FAM120A: variants seen among roughly 807,000 people sequenced by gnomAD.
FAM120A encodes the protein constitutive coactivator of PPAR-gamma-like protein 1.
A neutral mutation model predicts 109.7 loss-of-function variants in FAM120A; 15 were observed. The ratio of observed to expected loss-of-function variants is 0.14; its 90% confidence interval spans 0.09 to 0.21. FAM120A has a LOEUF of 0.21. FAM120A is among the 10% of genes least tolerant of loss of function. The probability of loss-of-function intolerance (pLI) is 1.00; values close to 1 mark genes in which losing one functional copy is unlikely to be tolerated. For synonymous variants in FAM120A, 493 were observed against 572.8 expected, an observed-to-expected ratio of 0.86 and a Z score of 1.99; for missense variants, 899 against 1,439.3, an observed-to-expected ratio of 0.62 and a Z score of 6.07.
intron 7 of FAM120A, among the ~76,000 whole-genome samples, chr9:93,521,223 A>G (rs928511007): frequency 3.3e-5 from 5 of 152,198 alleles, no homozygotes; most frequent in Non-Finnish European, 5.9e-5. Context: ...CAGAGACACA[A>G]CACTCTCTTT....
In FAM120A at chr9:93,532,543, A is replaced by C. The variant is rs370706193; in HGVS notation, c.1909+214A>C. Reference sequence around the variant, plus strand: ...CTTCCTCAGTAACATTCCAATAATGATGTTTATTCAGTAAAATAATAAAAC... The same window carrying C: ...CTTCCTCAGTAACATTCCAATAATGCTGTTTATTCAGTAAAATAATAAAAC... On this transcript the variant is annotated intron_variant, in intron 10 of 17. Coordinates refer to ENST00000277165, the MANE Select transcript of FAM120A (RefSeq NM_014612.5). The surrounding 1 kb of genome is among the most constrained non-coding windows in gnomAD (Gnocchi z 4.3). 1.8e-6 allele frequency: 1 copy of C among 564,252 alleles called. No homozygotes were observed. The highest frequency in any genetic ancestry group is 3.2e-6 in the Non-Finnish European group (1 of 315,974). 35.0% of individuals were successfully genotyped at this position (564,252 alleles called of 1,614,324 possible).
At chr9:93,488,421 G>A (rs1056065766) in intron 3 of FAM120A, among the ~76,000 whole-genome samples, 8 of 151,972 alleles carry the variant, frequency 5.3e-5, no homozygotes, top group African/African-American at 1.9e-4. Context: ...ACATGTCAGT[G>A]TTCTGTAGTC....
intron 5 of FAM120A, among the ~76,000 whole-genome samples, chr9:93,503,856 TTAAAG>T (rs999408949): frequency 1.3e-5 from 2 of 152,030 alleles, no homozygotes; most frequent in Non-Finnish European, 2.9e-5. Flanking sequence ...TATATATATT[TTAAAG>T]TAAAGAGCTC....
chr9:93,535,209 G>A (rs780742474), intron 10 of FAM120A, among the ~76,000 whole-genome samples: 3 of 152,202 alleles, frequency 2.0e-5, no homozygotes, highest in African/African-American at 4.8e-5. Context: ...GAGGGTGTGC[G>A]TAAGTGCTGA....
Position 93,532,111 on chromosome 9 carries a change from A to C in FAM120A, c.1735-44A>C. ...TTTCTGTGAGTGTATTGTAAATTCA[A>C]CATGAAAAATGTGCAATGTTATTCT... On this transcript the variant is annotated intron_variant, in intron 9 of 17. Transcript: ENST00000277165. The surrounding 1 kb of genome is among the most constrained non-coding windows in gnomAD (Gnocchi z 4.3). 1 of 1,568,780 alleles carries C rather than the reference A, an allele frequency of 6.4e-7. No homozygotes were observed. Among genetic ancestry groups the C allele is most frequent in the Non-Finnish European group, 8.8e-7 (1 of 1,142,780 alleles).
intron 5 of FAM120A, among the ~76,000 whole-genome samples, chr9:93,503,871 C>T (rs957785439): frequency 1.4e-4 from 22 of 151,804 alleles, no homozygotes; most frequent in South Asian, 1.0e-3. Context: ...GTAAAGAGCT[C>T]GTTGATTTGT....
At chr9:93,508,985 G>A (rs760696033) in intron 5 of FAM120A, among the ~76,000 whole-genome samples, 12 of 152,212 alleles carry the variant, frequency 7.9e-5, no homozygotes, top group Non-Finnish European at 1.8e-4. Flanking sequence ...CCTAAGCTGC[G>A]GAGAAAAGGT....
At chr9:93,488,977 T>C (rs1350092626) in intron 3 of FAM120A, among the ~76,000 whole-genome samples, 1 of 151,106 alleles carries the variant, frequency 6.6e-6, no homozygotes, top group Admixed American at 6.6e-5. Context: ...TCTCTTCATC[T>C]GTAGCAGTGA....
At chr9:93,485,879 A>G (rs1304259543) in intron 3 of FAM120A, among the ~76,000 whole-genome samples, 1 of 152,194 alleles carries the variant, frequency 6.6e-6, no homozygotes, top group Admixed American at 6.5e-5. Flanking sequence ...TATAAATAGA[A>G]TCACACAACA....
At chr9:93,512,085 C>A (rs1305970763) in intron 5 of FAM120A, among the ~76,000 whole-genome samples, 1 of 152,186 alleles carries the variant, frequency 6.6e-6, no homozygotes, top group East Asian at 1.9e-4. Context: ...AGCCACTGAA[C>A]CAGGCCAGTT....
At chr9:93,512,489 T>C (rs1166382453) in intron 5 of FAM120A, among the ~76,000 whole-genome samples, 1 of 152,202 alleles carries the variant, frequency 6.6e-6, no homozygotes, top group African/African-American at 2.4e-5. Context: ...TATAGTAAAC[T>C]TTTTTGGCCT....
At position 93,561,179 on chromosome 9, in the gene FAM120A, G is replaced by T. The variant is rs1440750672; in HGVS notation, c.2877G>T (p.Gly959=). 6.2e-7 allele frequency: 1 copy of T among 1,613,934 alleles called. No individual in the cohort carries two copies. Residue 959 remains glycine (G), a synonymous_variant, in exon 16 of 18, where the codon GGG becomes GGT. Transcript: ENST00000277165. ...IAGTVVGHWA[G]SRRGRGGRGP... ...GCACTGTGGTTGGCCATTGGGCTGGGAGCAGGCGGGGCCGTGGGGGCCGGG... is the reference window on the plus strand; with the variant it reads ...GCACTGTGGTTGGCCATTGGGCTGGTAGCAGGCGGGGCCGTGGGGGCCGGG...
chr9:93,543,511 C>T (rs1449501831), intron 11 of FAM120A, 40 bp downstream of exon 11: 2 of 1,602,098 alleles, frequency 1.2e-6, no homozygotes, highest in South Asian at 1.1e-5. Context: ...GGGTCCCCGC[C>T]AGGTGTAGGG....
intron 7 of FAM120A, among the ~76,000 whole-genome samples, chr9:93,521,943 G>C (rs1182095236): frequency 6.6e-6 from 1 of 152,158 alleles, no homozygotes; most frequent in Non-Finnish European, 1.5e-5. Flanking sequence ...AGCTGGACGT[G>C]GTTGTGTTTG....
chr9:93,539,454 T>G (rs775421178), intron 10 of FAM120A, among the ~76,000 whole-genome samples: 7 of 152,244 alleles, frequency 4.6e-5, no homozygotes, highest in Non-Finnish European at 7.3e-5. Context: ...ATACACAAGA[T>G]TTATTCAGAG....
At chr9:93,541,631 A>T (rs1433551981) in intron 10 of FAM120A, among the ~76,000 whole-genome samples, 1 of 152,238 alleles carries the variant, frequency 6.6e-6, no homozygotes, top group East Asian at 1.9e-4. Flanking sequence ...CTAAACACTA[A>T]GATATTCAAA....
intron 1 of FAM120A, among the ~76,000 whole-genome samples, chr9:93,459,914 A>G (rs1053620760): frequency 4.6e-5 from 7 of 152,240 alleles, no homozygotes; most frequent in Non-Finnish European, 1.0e-4. Flanking sequence ...AAGAATTATA[A>G]GCTTTATGCC....
chr9:93,474,982 A>G (rs138897263), intron 2 of FAM120A, among the ~76,000 whole-genome samples: 16 of 152,172 alleles, frequency 1.1e-4, no homozygotes, highest in African/African-American at 3.4e-4. Context: ...TACGGTTCAG[A>G]TTTGCTCATT....
At chr9:93,468,830 C>T (rs1265686602) in intron 1 of FAM120A, among the ~76,000 whole-genome samples, 1 of 152,206 alleles carries the variant, frequency 6.6e-6, no homozygotes, top group South Asian at 2.1e-4. Context: ...GTGAGGTTAC[C>T]GGGTTAAAGA....
Sources: gnomAD v4.1 joint callset for allele counts (sites outside exome capture counted in the v4.1 genomes callset) on GRCh38, gnomAD v4.1.1 for gene constraint, Gnocchi (gnomAD v3.1) non-coding constraint, MANE v1.5 for transcripts, NCBI Gene and HGNC (gene_info 2026-07-23, HGNC 2026-07-21) for gene names.